The following PCCB variants were observed in gnomAD, a reference collection of about 807,000 sequenced individuals.
The protein encoded by PCCB is propionyl-CoA carboxylase subunit beta, also known as propionyl-CoA carboxylase beta chain, mitochondrial.
PCCB carries 43 observed loss-of-function variants against 60.7 expected under a neutral mutation model. That is an observed-to-expected ratio of 0.71 (90% CI 0.55 to 0.91). The LOEUF is 0.91. Ranked by LOEUF, PCCB falls within the 40% of genes least tolerant of loss-of-function variation. PCCB has a pLI of 0.00. For missense variants in PCCB, 766 were observed against 702.8 expected, an observed-to-expected ratio of 1.09 and a Z score of -1.02; for synonymous variants, 276 against 255.9, an observed-to-expected ratio of 1.08 and a Z score of -0.75.
intron 9 of PCCB, among the ~76,000 whole-genome samples, chr3:136,310,363 A>G (rs1026924077): frequency 7.1e-6 from 1 of 141,018 alleles, no homozygotes; most frequent in Non-Finnish European, 1.6e-5. Context: ...AACTCCATCT[A>G]AAAAAAAAAA....
intron 10 of PCCB, among the ~76,000 whole-genome samples, chr3:136,323,191 ACTTTCT>A (rs1365142424): frequency 1.3e-5 from 2 of 151,978 alleles, no homozygotes; most frequent in African/African-American, 4.8e-5. Context: ...TCTCCTTGCC[ACTTTCT>A]CTTAGTCTTC....
intron 10 of PCCB, among the ~76,000 whole-genome samples, chr3:136,318,566 C>T (rs962703312): frequency 6.6e-6 from 1 of 152,178 alleles, no homozygotes; most frequent in African/African-American, 2.4e-5. Context: ...TTTATCTCAG[C>T]CTCCAGCCTT....
chr3:136,288,649 A>G (rs1933535293), intron 6 of PCCB, among the ~76,000 whole-genome samples: 1 of 143,590 alleles, frequency 7.0e-6, no homozygotes, highest in East Asian at 2.1e-4. Context: ...TGGTCTATAA[A>G]AATGTTTAGA....
chr3:136,299,790 A>ATATGCATGTGTATGTATAGG (rs1271235615), intron 8 of PCCB, among the ~76,000 whole-genome samples: 1 of 149,656 alleles, frequency 6.7e-6, no homozygotes, highest in African/African-American at 2.5e-5. Context: ...GTATGTATGT[A>ATATGCATGTGTATGTATAGG]TATGCATGTG....
chr3:136,267,364 T>C (rs1942032440), intron 5 of PCCB, among the ~76,000 whole-genome samples: 1 of 151,898 alleles, frequency 6.6e-6, no homozygotes, highest in Non-Finnish European at 1.5e-5. Flanking sequence ...TTTTGAAAAA[T>C]TTCTTTTGTG....
rs34690853 is a variant in PCCB at position 136,273,911 on chromosome 3, CAAAAAAA to C, written c.544-9907_544-9901del. Among the ~76,000 whole-genome samples, 75 of 55,518 alleles carry C rather than the reference CAAAAAAA, an allele frequency of 1.4e-3. 1 individual carries two copies. The highest frequency in any genetic ancestry group is 4.2e-3 in the African/African-American group (62 of 14,886). 36.4% of individuals were successfully genotyped at this position (55,518 alleles called of 152,430 possible). ...TGGGTGACAGAGGGAGACTCTGTCT[CAAAAAAA>C]AAAAAAAAAAAAAAAAAAGAATAGC... On this transcript the variant is annotated intron_variant, in intron 5 of 14. Transcript: ENST00000251654.
chr3:136,275,489 G>T (rs1942313058), intron 5 of PCCB, among the ~76,000 whole-genome samples: 2 of 152,090 alleles, frequency 1.3e-5, no homozygotes, highest in African/African-American at 2.4e-5. Context: ...TCTTTCGGGG[G>T]TATGATAGAA....
chr3:136,277,036 T>A (rs1014968628), intron 5 of PCCB, among the ~76,000 whole-genome samples: 2 of 152,192 alleles, frequency 1.3e-5, no homozygotes, highest in African/African-American at 4.8e-5. Context: ...CTGGGGAATG[T>A]CTGCAAGGGA....
chr3:136,265,280 A>G (rs932444761), intron 5 of PCCB, among the ~76,000 whole-genome samples: 2 of 152,224 alleles, frequency 1.3e-5, no homozygotes, highest in African/African-American at 4.8e-5. Context: ...TTTTAAATTA[A>G]TTTTTAGAGT....
chr3:136,257,704 A>C (rs1941709476), intron 3 of PCCB, among the ~76,000 whole-genome samples: 1 of 152,210 alleles, frequency 6.6e-6, no homozygotes, highest in Non-Finnish European at 1.5e-5. Flanking sequence ...TGGGAGGCTG[A>C]GATGGGTGGA....
chr3:136,299,919 T>C (rs1191816637), intron 8 of PCCB, among the ~76,000 whole-genome samples: 2 of 151,856 alleles, frequency 1.3e-5, no homozygotes, highest in South Asian at 2.1e-4. Flanking sequence ...CATGTATATG[T>C]ATGCATATGT....
rs937165003 is a variant in PCCB at position 136,319,803 on chromosome 3, G to C, written c.1090+2739G>C. On this transcript the variant is annotated intron_variant, in intron 10 of 14. Coordinates refer to ENST00000251654, the MANE Select transcript of PCCB (RefSeq NM_000532.5). ...TTTAAATTCAAGGTTGTGAAGGTATGTTCCTGTTGTTTTTTTCCTGAGAGT... is the reference window on the plus strand; with the variant it reads ...TTTAAATTCAAGGTTGTGAAGGTATCTTCCTGTTGTTTTTTTCCTGAGAGT... Among the ~76,000 whole-genome samples, 3 of 152,130 alleles carry C rather than the reference G, an allele frequency of 2.0e-5. No homozygotes were observed. In the South Asian group the frequency reaches 6.2e-4, roughly 31 times the overall value.
Position 136,250,453 on chromosome 3 carries a change from C to A in PCCB, c.78C>A (p.Arg26=). ...CGAGCGGTCTCCGCGCCGCGGTCCG[C>A]AGCCTTTGCAGCCAGGCCACCTCTG... ...VLASGLRAAV[R]SLCSQATSVN... is the part of the protein sequence containing the mutation. Residue 26 remains arginine, a synonymous_variant, in exon 1 of 15, where the codon CGC becomes CGA. Transcript: ENST00000251654. 4 of 1,606,662 alleles carry A rather than the reference C, an allele frequency of 2.5e-6. No individual in the cohort carries two copies. Among genetic ancestry groups the A allele is most frequent in the Non-Finnish European group, 2.5e-6 (3 of 1,176,786 alleles).
rs1935330594 is a variant in PCCB, at chr3:136,326,849, A to C, written c.1137A>C (p.Arg379Ser). 1.2e-6 allele frequency: 2 copies of C among 1,613,426 alleles called. No individual in the cohort carries two copies. The highest frequency in any genetic ancestry group is 1.7e-6 in the Non-Finnish European group (2 of 1,179,460). The change falls in exon 11 of 15, where the codon AGA becomes AGC. Residue 379 changes from arginine (R) to serine (S), a missense_variant. Physicochemically the swap from Arg to Ser is moderately radical, Grantham distance 110. Coordinates refer to ENST00000251654, the MANE Select transcript of PCCB (RefSeq NM_000532.5). ...NSSVKGARFV[R>S]FCDAFNIPLI... ...CTGTGAAAGGGGCTCGTTTTGTCAG[A>C]TTCTGTGATGCATTCAATATTCCAC...
At chr3:136,310,327 C>T (rs1488394402) in intron 9 of PCCB, among the ~76,000 whole-genome samples, 1 of 150,672 alleles carries the variant, frequency 6.6e-6, no homozygotes, top group Non-Finnish European at 1.5e-5. Context: ...CGTGCCATTG[C>T]ACTCCAGCCT....
chr3:136,295,888 A>G (rs1933911103), intron 7 of PCCB, among the ~76,000 whole-genome samples: 2 of 150,574 alleles, frequency 1.3e-5, no homozygotes, highest in Admixed American at 1.3e-4. Flanking sequence ...TGCCCATGAC[A>G]TTAAAGTTTC....
chr3:136,268,129 T>G (rs1227338791), intron 5 of PCCB, among the ~76,000 whole-genome samples: 3 of 137,942 alleles, frequency 2.2e-5, no homozygotes, highest in Non-Finnish European at 4.6e-5. Flanking sequence ...TATGTATATA[T>G]ATATATATAT....
At chr3:136,293,624 T>C in intron 6 of PCCB, 132 bp from the exon 7 acceptor site, 1 of 757,330 alleles carries the variant, frequency 1.3e-6, no homozygotes, top group East Asian at 2.4e-5. Flanking sequence ...GTCGTATCTT[T>C]AAGCTACATC....
chr3:136,268,086 A>G (rs200631706), intron 5 of PCCB, among the ~76,000 whole-genome samples: 463 of 24,058 alleles, frequency 0.019, 13 homozygotes, highest in Middle Eastern at 0.14. Context: ...GTGTGTGTGT[A>G]GATATATATA....
Sources: gnomAD v4.1 joint callset for allele counts (sites outside exome capture counted in the v4.1 genomes callset) on GRCh38, gnomAD v4.1.1 for gene constraint, MANE v1.5 for transcripts, NCBI Gene and HGNC (gene_info 2026-07-23, HGNC 2026-07-21) for gene names.